TNR: variants seen among roughly 807,000 people sequenced by gnomAD.
TNR encodes the protein tenascin R, also known as tenascin-R.
A neutral mutation model predicts 150.4 loss-of-function variants in TNR; 45 were observed. The ratio of observed to expected loss-of-function variants is 0.30; its 90% CI spans 0.24 to 0.38. TNR has a LOEUF of 0.38. Among genes scored for constraint, TNR ranks in the 10% least tolerant of loss-of-function variants. The probability of loss-of-function intolerance (pLI) is 1.00; values close to 1 mark genes in which losing one functional copy is unlikely to be tolerated. For synonymous variants in TNR, 687 were observed against 678.4 expected, an observed-to-expected ratio of 1.01 and a Z score of -0.20; for missense variants, 1,544 against 1,759.1, an observed-to-expected ratio of 0.88 and a Z score of 2.19.
intron 1 of TNR, among the ~76,000 whole-genome samples, chr1:175,663,650 G>T (rs924541532): frequency 6.6e-6 from 1 of 151,534 alleles, no homozygotes; most frequent in Non-Finnish European, 1.5e-5. Context: ...GAGGGAGGGG[G>T]AAGTCCTACA....
chr1:175,355,781 G>T, intron 16 of TNR, 148 bp from the exon 17 acceptor site: 1 of 1,032,450 alleles, frequency 9.7e-7, no homozygotes, highest in Non-Finnish European at 1.4e-6. Context: ...GGAGCATAAA[G>T]GGTGCTCCTG....
intron 1 of TNR, among the ~76,000 whole-genome samples, chr1:175,695,561 C>G (rs1488227355): frequency 6.6e-6 from 1 of 152,198 alleles, no homozygotes; most frequent in Non-Finnish European, 1.5e-5. Context: ...ATTCACCACT[C>G]TTGTCTTGCT....
At chr1:175,559,186 G>A (rs1197201195) in intron 1 of TNR, among the ~76,000 whole-genome samples, 1 of 152,194 alleles carries the variant, frequency 6.6e-6, no homozygotes, top group African/African-American at 2.4e-5. Context: ...TGGATATGTG[G>A]TTTCATTGGT....
chr1:175,558,254 C>T (rs553301452), intron 1 of TNR, among the ~76,000 whole-genome samples: 1 of 137,382 alleles, frequency 7.3e-6, no homozygotes, highest in South Asian at 2.5e-4. Context: ...CACATGTACC[C>T]TAAAACTTAA....
At chr1:175,344,216 C>CCGGTG (rs1437601752) in intron 18 of TNR, among the ~76,000 whole-genome samples, 2 of 152,140 alleles carry the variant, frequency 1.3e-5, no homozygotes, top group African/African-American at 2.4e-5. Context: ...GAAGGGATGG[C>CCGGTG]CGGTGCTTAG....
chr1:175,330,999 T>TTCATTCTC (rs1649725155), intron 20 of TNR, among the ~76,000 whole-genome samples: 1 of 20,772 alleles, frequency 4.8e-5, no homozygotes, highest in African/African-American at 2.0e-4. Context: ...CTCTTGGTGA[T>TTCATTCTC]TCTTTCTTTC....
intron 2 of TNR, among the ~76,000 whole-genome samples, chr1:175,523,260 G>A (rs754274250): frequency 6.6e-6 from 1 of 151,960 alleles, no homozygotes; most frequent in African/African-American, 2.4e-5. Context: ...AAGGTAGTGG[G>A]GCATTGTGGG....
intron 2 of TNR, among the ~76,000 whole-genome samples, chr1:175,508,994 C>A (rs1313055744): frequency 6.6e-6 from 1 of 152,210 alleles, no homozygotes. Flanking sequence ...CCCTAGTCAG[C>A]CCTCTCCTCA....
rs1321787013 is a variant in TNR, at chr1:175,446,465, CT to C, written c.-63-39689del. 2.0e-5 allele frequency among the ~76,000 whole-genome samples: 3 copies of C among 152,098 alleles called. No individual in the cohort carries two copies. The East Asian group carries it at 5.8e-4, about 29-fold the overall frequency. ...GCCTTGTAGTTATGGGTGACATAGT[CT>C]AATTTATGGCTCTCATCTTTTTCTA... On this transcript the variant is annotated intron_variant, in intron 2 of 22. Transcript: ENST00000367674.
chr1:175,553,485 T>C (rs1661022852), intron 1 of TNR, among the ~76,000 whole-genome samples: 1 of 152,210 alleles, frequency 6.6e-6, no homozygotes, highest in African/African-American at 2.4e-5. Flanking sequence ...TTCACAACTC[T>C]ATCCACCACA....
chr1:175,609,865 G>C (rs542315282), intron 1 of TNR, among the ~76,000 whole-genome samples: 103 of 152,242 alleles, frequency 6.8e-4, no homozygotes, highest in Middle Eastern at 6.8e-3. Flanking sequence ...AAATTTAGAT[G>C]ATCTTATAAA....
At chr1:175,382,083 C>T (rs546323329) in intron 8 of TNR, among the ~76,000 whole-genome samples, 2 of 152,340 alleles carry the variant, frequency 1.3e-5, no homozygotes, top group East Asian at 3.9e-4. Flanking sequence ...AACATGGCCA[C>T]GCTTCTGTAC....
chr1:175,355,518 G>A lies in TNR; in HGVS notation c.3234C>T (p.Thr1078=), dbSNP rs200777712. The change falls in exon 17 of 23, where the codon ACC becomes ACT. Residue 1078 remains threonine (T), a synonymous_variant. Coordinates refer to ENST00000367674, the MANE Select transcript of TNR (RefSeq NM_003285.3). ...AAAATCTCACCTTGCGGCTTCCATCGGTGGATTTGTAGGTCAAGACATAAT... is the reference window on the plus strand; with the variant it reads ...AAAATCTCACCTTGCGGCTTCCATCAGTGGATTTGTAGGTCAAGACATAAT... ...IENYVLTYKS[T]DGSRKELIVD... The A allele has an allele frequency of 5.8e-5, 93 of 1,613,788 alleles. No homozygotes were observed. Among genetic ancestry groups the A allele is most frequent in the Middle Eastern group, 1.6e-4 (1 of 6,082 alleles).
At chr1:175,460,030 GTGAC>G (rs1340951982) in intron 2 of TNR, among the ~76,000 whole-genome samples, 1 of 152,194 alleles carries the variant, frequency 6.6e-6, no homozygotes, top group African/African-American at 2.4e-5. Flanking sequence ...CTAACAGACG[GTGAC>G]TGACTGGTGC....
intron 17 of TNR, 151 bp downstream of exon 17, chr1:175,355,352 G>T: frequency 9.3e-7 from 1 of 1,076,450 alleles, no homozygotes; most frequent in Non-Finnish European, 1.3e-6. Flanking sequence ...ATCAACAGCA[G>T]GCTGGGTATC....
chr1:175,718,109 T>G (rs1667202325), intron 1 of TNR, among the ~76,000 whole-genome samples: 1 of 152,190 alleles, frequency 6.6e-6, no homozygotes, highest in African/African-American at 2.4e-5. Flanking sequence ...AAATGTATTT[T>G]TCAAGAGAGG....
At chr1:175,740,125 A>G (rs1170614585) in intron 1 of TNR, among the ~76,000 whole-genome samples, 1 of 152,228 alleles carries the variant, frequency 6.6e-6, no homozygotes, top group Non-Finnish European at 1.5e-5. Flanking sequence ...CTACTTACCC[A>G]GTAACAATAG....
intron 1 of TNR, among the ~76,000 whole-genome samples, chr1:175,665,819 T>C (rs374495863): frequency 6.6e-6 from 1 of 152,164 alleles, no homozygotes. Flanking sequence ...AGTTAGGTCA[T>C]AAACAGGAAA....
intron 8 of TNR, among the ~76,000 whole-genome samples, chr1:175,385,617 T>G (rs1336559065): frequency 6.6e-5 from 10 of 152,204 alleles, no homozygotes; most frequent in Admixed American, 6.5e-4. Context: ...TATAGAATTA[T>G]TATGATAATT....
Sources: allele counts gnomAD v4.1 joint callset (sites outside exome capture counted in the v4.1 genomes callset), GRCh38; gene constraint gnomAD v4.1.1; transcripts MANE v1.5; gene names NCBI Gene and HGNC (gene_info 2026-07-23, HGNC 2026-07-21).